The following P2RY6 variants were observed in gnomAD, a reference collection of about 807,000 sequenced individuals.
P2RY6 encodes pyrimidinergic receptor P2Y6, also known as P2Y purinoceptor 6.
In P2RY6, 19 loss-of-function variants were observed where a neutral mutation model predicts 16.3. The observed-to-expected ratio is 1.16, with a 90% CI of 0.81 to 1.71. P2RY6 has a LOEUF of 1.71. P2RY6 is among the 40% of genes most tolerant of loss of function. The probability of loss-of-function intolerance (pLI) is 0.00; values close to 1 mark genes in which losing one functional copy is unlikely to be tolerated. For missense variants in P2RY6, 389 were observed against 455.5 expected (o/e 0.85, Z 1.33); for synonymous variants, 184 against 201.5 (o/e 0.91, Z 0.74).
upstream of P2RY6, chr11:73,271,551 C>G (rs796092400): frequency 1.3e-5 from 2 of 152,096 alleles, no homozygotes; most frequent in Admixed American, 6.6e-5. Context: ...CAGAACAGAA[C>G]GGGAGGTTTC....
chr11:73,286,446 G>A (rs547503178), intron 1 of P2RY6, among the ~76,000 whole-genome samples: 13 of 152,180 alleles, frequency 8.5e-5, no homozygotes, highest in African/African-American at 3.1e-4. Context: ...CCACTTGGCG[G>A]GGTTAGTGGT....
chr11:73,288,643 G>A (rs1262752243), intron 1 of P2RY6, among the ~76,000 whole-genome samples: 14 of 152,244 alleles, frequency 9.2e-5, no homozygotes, highest in African/African-American at 3.4e-4. Context: ...GTGGGCTCCA[G>A]GGGCAACCCT....
chr11:73,296,420 G>C (rs984340048), intron 2 of P2RY6, 65 bp from the exon 3 acceptor site: 27 of 1,435,520 alleles, frequency 1.9e-5, no homozygotes, highest in Non-Finnish European at 2.4e-5. Flanking sequence ...AAGGCCCGAG[G>C]AGGGGCAGGG....
Position 73,293,439 on chromosome 11 carries a change from GC to G in P2RY6, c.-120-2285del, listed in dbSNP as rs145019976. Among the ~76,000 whole-genome samples, 577 of 152,316 alleles carry G rather than the reference GC, an allele frequency of 3.8e-3. 15 individuals are homozygous for G. In the East Asian group the frequency reaches 0.061, roughly 16 times the overall value. On this transcript the variant is annotated intron_variant, in intron 1 of 2. Transcript: ENST00000540124. ...TGTAGTCAGAGCCACTTGTTAGCAA[GC>G]CCCCCACCATGGGCAGAGTCCAGCC...
At chr11:73,280,645 G>T (rs960232743) in intron 1 of P2RY6, among the ~76,000 whole-genome samples, 1 of 152,186 alleles carries the variant, frequency 6.6e-6, no homozygotes, top group Non-Finnish European at 1.5e-5. Flanking sequence ...ACACCTGTGG[G>T]CAGGACCTGG....
At chr11:73,273,254 C>T (rs1389828090) in intron 1 of P2RY6, among the ~76,000 whole-genome samples, 2 of 152,096 alleles carry the variant, frequency 1.3e-5, no homozygotes, top group African/African-American at 2.4e-5. Flanking sequence ...TGCGTTCAGC[C>T]CCGGCCTCTT....
At position 73,281,467 on chromosome 11, in the gene P2RY6, G is replaced by A. The variant is rs1007604593; in HGVS notation, c.-121+9001G>A. 5.3e-5 allele frequency among the ~76,000 whole-genome samples: 8 copies of A among 152,244 alleles called. 1 individual carries two copies. The highest frequency in any genetic ancestry group is 8.8e-5 in the Non-Finnish European group (6 of 68,050). On this transcript the variant is annotated intron_variant, in intron 1 of 2. Transcript: ENST00000540124. ...AAGAAGGGACCAGCCCACATTCACA[G>A]TGATCTGGAGCAGATGGCACACAGT...
chr11:73,296,651 ATC>A lies in P2RY6; in HGVS notation c.135_136del (p.Ile45MetfsTer27). On this transcript the variant is annotated frameshift_variant, in exon 3 of 3. Coordinates refer to ENST00000540124, the MANE Select transcript of P2RY6 (RefSeq NM_001277204.2). LOFTEE classifies it high-confidence loss of function. ...AVLAAGLPLNICVITQICTSR... is the reference protein window; with the variant it reads ...AVLAAGLPLNXCVITQICTSR... ...GCTGGCGGCTGGCCTGCCGCTGAAC[ATC>A]TGTGTCATTACCCAGATCTGCACGT... 6.2e-7 allele frequency: 1 copy of A among 1,614,080 alleles called. No homozygotes were observed. The highest frequency in any genetic ancestry group is 8.5e-7 in the Non-Finnish European group (1 of 1,180,010).
In P2RY6 at chr11:73,296,358, A is replaced by C. The variant is rs1864480358; in HGVS notation, c.-34-127A>C. 3.9e-6 allele frequency: 3 copies of C among 763,738 alleles called. No homozygotes were observed. The Admixed American group carries it at 8.0e-5, about 20-fold the overall frequency. 47.3% of individuals were successfully genotyped at this position (763,738 alleles called of 1,614,324 possible). A position where few individuals can be genotyped will look rare whatever the true frequency, so the allele number is the denominator to read the frequency against. On this transcript the variant is annotated intron_variant, in intron 2 of 2. Transcript: ENST00000540124. ...CTCTGTGGGGCTTCACGGGGTGGTT[A>C]GAGTAGCCGAGTTGACAAAGTTAGT...
In P2RY6 at chr11:73,280,702, T is replaced by A. The variant is rs139471126; in HGVS notation, c.-121+8236T>A. ...ACAATGGGAGTTGGCCAGCCACAGA[T>A]GTGGGGAGAGGGAAGTCCAGTGGTG... is the stretch of plus-strand genomic sequence containing the variant. On this transcript the variant is annotated intron_variant, in intron 1 of 2. Transcript: ENST00000540124. 2.3e-4 allele frequency among the ~76,000 whole-genome samples: 35 copies of A among 152,156 alleles called. No homozygotes were observed. In the East Asian group the frequency reaches 2.7e-3, roughly 12 times the overall value.
At chr11:73,287,875 C>T (rs983030929) in intron 1 of P2RY6, among the ~76,000 whole-genome samples, 3 of 152,184 alleles carry the variant, frequency 2.0e-5, no homozygotes, top group African/African-American at 7.2e-5. Flanking sequence ...TAGGCGTGGA[C>T]TTATACAGGC....
At chr11:73,271,296 C>T (rs916792607), upstream of P2RY6, among the ~76,000 whole-genome samples, 6 of 152,160 alleles carry the variant, frequency 3.9e-5, no homozygotes, top group African/African-American at 1.4e-4. Context: ...CCTCCATCTT[C>T]GGTGCTGTAG....
In P2RY6 at chr11:73,289,690, T is replaced by G. The variant is rs371851251; in HGVS notation, c.-120-6040T>G. Among the ~76,000 whole-genome samples, 468 of 152,200 alleles carry G rather than the reference T, an allele frequency of 3.1e-3. 3 individuals are homozygous for G. The highest frequency in any genetic ancestry group is 0.011 in the African/African-American group (451 of 41,522). On this transcript the variant is annotated intron_variant, in intron 1 of 2. Coordinates refer to ENST00000540124, the MANE Select transcript of P2RY6 (RefSeq NM_001277204.2). ...GGTCTCAATGCAGGGAAGACCTAAC[T>G]CCCCTGGGAATCCCCTGATCTGAGC...
intron 2 of P2RY6, 126 bp from the exon 3 acceptor site, chr11:73,296,359 G>A: frequency 1.6e-6 from 1 of 642,442 alleles, no homozygotes; most frequent in Non-Finnish European, 2.6e-6. Flanking sequence ...GGGGTGGTTA[G>A]AGTAGCCGAG....
Position 73,296,589 on chromosome 11 carries a change from TCAAG to T in P2RY6, c.75_78del (p.Lys25AsnfsTer18). 6.2e-7 allele frequency: 1 copy of T among 1,614,220 alleles called. No individual in the cohort carries two copies. The highest frequency in any genetic ancestry group is 8.5e-7 in the Non-Finnish European group (1 of 1,180,048). ...ACCACCTGTGTCTACCGCGAGAACT[TCAAG>T]CAACTGCTGCTGCCACCTGTGTATT... On this transcript the variant is annotated frameshift_variant, in exon 3 of 3. Coordinates refer to ENST00000540124, the MANE Select transcript of P2RY6 (RefSeq NM_001277204.2). LOFTEE classifies it high-confidence loss of function.
At chr11:73,295,398 C>G (rs1642963323) in intron 1 of P2RY6, among the ~76,000 whole-genome samples, 1 of 152,234 alleles carries the variant, frequency 6.6e-6, no homozygotes, top group African/African-American at 2.4e-5. Flanking sequence ...GCCTGCCTAG[C>G]TCTGAAGTTG....
Position 73,297,408 on chromosome 11 carries a change from A to G in P2RY6, c.890A>G (p.Asp297Gly), listed in dbSNP as rs988017987. The change falls in exon 3 of 3, where the codon GAC (aspartate) becomes GGC (glycine). Residue 297 changes from aspartate (D) to glycine (G), a missense_variant. Physicochemically the swap from Asp to Gly is moderately conservative, Grantham distance 94. Transcript: ENST00000540124. ...RPFASANSVL[D>G]PILFYFTQKK... ...TTTGCCAGTGCCAACAGCGTGCTGG[A>G]CCCCATCCTCTTCTACTTCACCCAG... 2 of 1,612,444 alleles carry G rather than the reference A, an allele frequency of 1.2e-6. No individual in the cohort carries two copies. The highest frequency in any genetic ancestry group is 1.7e-5 in the Admixed American group (1 of 60,032).
At position 73,297,234 on chromosome 11, in the gene P2RY6, G is replaced by A. The variant is rs569014304; in HGVS notation, c.716G>A (p.Arg239His). ...CAGGAGCGGCGTGGCAAGGCGGCCCGCATGGCCGTGGTGGTGGCTGCTGCC... is the reference window on the plus strand; with the variant it reads ...CAGGAGCGGCGTGGCAAGGCGGCCCACATGGCCGTGGTGGTGGCTGCTGCC... ...VAQERRGKAA[R>H]MAVVVAAAFA... is the part of the protein sequence containing the mutation. Residue 239 changes from arginine (R) to histidine (H), a missense_variant, in exon 3 of 3, where the codon CGC (arginine) becomes CAC (histidine). Physicochemically the swap from Arg to His is conservative, Grantham distance 29. Coordinates refer to ENST00000540124, the MANE Select transcript of P2RY6 (RefSeq NM_001277204.2). 1.4e-5 allele frequency: 22 copies of A among 1,603,506 alleles called. No homozygotes were observed. Among genetic ancestry groups the A allele is most frequent in the Non-Finnish European group, 8.5e-6 (10 of 1,179,466 alleles).
At chr11:73,282,194 G>A (rs958623949) in intron 1 of P2RY6, among the ~76,000 whole-genome samples, 6 of 152,168 alleles carry the variant, frequency 3.9e-5, no homozygotes, top group Non-Finnish European at 5.9e-5. Flanking sequence ...GCTGGTCCCT[G>A]GAGCCTCCCC....
Sources: gnomAD v4.1 joint callset for allele counts (sites outside exome capture counted in the v4.1 genomes callset) on GRCh38, gnomAD v4.1.1 for gene constraint, MANE v1.5 for transcripts, NCBI Gene and HGNC (gene_info 2026-07-23, HGNC 2026-07-21) for gene names.